RAB22A: variants seen among roughly 807,000 people sequenced by gnomAD.
The protein encoded by RAB22A is RAB22A, member RAS oncogene family.
In RAB22A, 13 loss-of-function variants were observed where a neutral mutation model predicts 30.2. The ratio of observed to expected loss-of-function variants is 0.43; its 90% CI spans 0.28 to 0.68. The LOEUF is 0.68. Among genes scored for constraint, RAB22A ranks in the 30% least tolerant of loss-of-function variants. RAB22A has a pLI of 0.18. For missense variants in RAB22A, 177 were observed against 246.8 expected, an observed-to-expected ratio of 0.72 and a Z score of 1.89; for synonymous variants, 89 against 87.2, an observed-to-expected ratio of 1.02 and a Z score of -0.11.
At chr20:58,351,681 C>T (rs977249627) in intron 3 of RAB22A, among the ~76,000 whole-genome samples, 2 of 152,110 alleles carry the variant, frequency 1.3e-5, no homozygotes, top group African/African-American at 4.8e-5. Flanking sequence ...GGCGTGGTAG[C>T]GCATGCCTGT....
intron 2 of RAB22A, among the ~76,000 whole-genome samples, chr20:58,341,919 A>C (rs1388761753): frequency 6.6e-6 from 1 of 152,100 alleles, no homozygotes; most frequent in African/African-American, 2.4e-5. Flanking sequence ...GCCTGTTGTC[A>C]CTCATAAATG....
At chr20:58,317,782 G>A (rs764162318) in intron 2 of RAB22A, among the ~76,000 whole-genome samples, 4 of 151,910 alleles carry the variant, frequency 2.6e-5, no homozygotes, top group Non-Finnish European at 5.9e-5. Flanking sequence ...TCCTGACCTC[G>A]TGATCCGCCT....
At chr20:58,358,960 G>A (rs1161627986) in intron 6 of RAB22A, among the ~76,000 whole-genome samples, 1 of 151,972 alleles carries the variant, frequency 6.6e-6, no homozygotes, top group Non-Finnish European at 1.5e-5. Context: ...TCCCCAGGAT[G>A]TGTTGAGTGA....
At chr20:58,328,245 G>A (rs1325801009) in intron 2 of RAB22A, among the ~76,000 whole-genome samples, 1 of 152,054 alleles carries the variant, frequency 6.6e-6, no homozygotes, top group Non-Finnish European at 1.5e-5. Flanking sequence ...GCAGTGGTGT[G>A]ATCACAGCTC....
intron 2 of RAB22A, among the ~76,000 whole-genome samples, chr20:58,333,913 C>G (rs534274468): frequency 6.6e-6 from 1 of 152,114 alleles, no homozygotes; most frequent in Non-Finnish European, 1.5e-5. Flanking sequence ...AAAAAATTAG[C>G]TGGATTTTAT....
chr20:58,324,699 T>G (rs767015170), intron 2 of RAB22A, among the ~76,000 whole-genome samples: 5 of 149,406 alleles, frequency 3.3e-5, no homozygotes, highest in Non-Finnish European at 5.9e-5. Flanking sequence ...AAACCCCGTG[T>G]CTACTAAAAA....
At chr20:58,329,078 G>A (rs1986619749) in intron 2 of RAB22A, among the ~76,000 whole-genome samples, 1 of 141,006 alleles carries the variant, frequency 7.1e-6, no homozygotes, top group Admixed American at 7.3e-5. Context: ...TTTTGAGGCA[G>A]AGCCTCATTC....
chr20:58,315,038 C>T (rs76191598), intron 2 of RAB22A, among the ~76,000 whole-genome samples: 4,659 of 151,954 alleles, frequency 0.031, 237 homozygotes, highest in African/African-American at 0.11. Context: ...CCAGGAGAGA[C>T]GGCAGGGTGG....
At chr20:58,338,900 T>C (rs185355085) in intron 2 of RAB22A, among the ~76,000 whole-genome samples, 19 of 152,294 alleles carry the variant, frequency 1.2e-4, no homozygotes, top group African/African-American at 3.4e-4. Context: ...TGAGAATCCT[T>C]TGTTAATTGT....
chr20:58,366,023 A>G lies in RAB22A; in HGVS notation c.*6320A>G, dbSNP rs2122981744. 6.6e-6 allele frequency: 1 copy of G among 151,704 alleles called. No homozygotes were observed. The highest frequency in any genetic ancestry group is 1.9e-4 in the East Asian group (1 of 5,168). The allele number at this position is 151,704 out of a possible 1,614,324, so 9.4% of individuals were successfully genotyped here. Reference sequence around the variant, plus strand: ...TTGCCCTGGAAAAGATTTTTTTTTTAACTCTCATGCAGTTCAGTCTTTCCA... The same window carrying G: ...TTGCCCTGGAAAAGATTTTTTTTTTGACTCTCATGCAGTTCAGTCTTTCCA... On this transcript the variant is annotated 3_prime_UTR_variant, in exon 7 of 7. Transcript: ENST00000244040.
chr20:58,352,831 G>A (rs575669187), intron 3 of RAB22A, among the ~76,000 whole-genome samples: 1 of 152,294 alleles, frequency 6.6e-6, no homozygotes, highest in East Asian at 1.9e-4. Context: ...CATTTCTGAA[G>A]GACAATCAGT....
intron 3 of RAB22A, among the ~76,000 whole-genome samples, chr20:58,351,357 G>T (rs559619204): frequency 2.0e-5 from 3 of 151,632 alleles, no homozygotes; most frequent in Non-Finnish European, 2.9e-5. Flanking sequence ...AGAAAAATGT[G>T]CAGTATATAT....
intron 4 of RAB22A, 26 bp from the exon 5 acceptor site, chr20:58,353,406 G>T: frequency 6.2e-7 from 1 of 1,608,762 alleles, no homozygotes; most frequent in Non-Finnish European, 8.5e-7. Context: ...TAGATCTCCA[G>T]TTGCTCTCTT....
chr20:58,337,952 G>T (rs1052019788), intron 2 of RAB22A, among the ~76,000 whole-genome samples: 3 of 152,104 alleles, frequency 2.0e-5, no homozygotes, highest in Admixed American at 2.0e-4. Context: ...ATGTGAAATG[G>T]TATATGTTAT....
chr20:58,336,258 C>T lies in RAB22A; in HGVS notation c.117-7460C>T, dbSNP rs140349652. On this transcript the variant is annotated intron_variant, in intron 2 of 6. Transcript: ENST00000244040. ...TACTCCTGACCTCAAGTGATCCACT[C>T]GCCTTGGCCTTCCAAAGTGCTGGGA... Among the ~76,000 whole-genome samples the T allele has an allele frequency of 3.8e-3, 578 of 152,258 alleles. 2 individuals are homozygous for T. Among genetic ancestry groups the T allele is most frequent in the African/African-American group, 0.013 (541 of 41,550 alleles).
At chr20:58,350,984 C>T (rs1987038781) in intron 3 of RAB22A, among the ~76,000 whole-genome samples, 1 of 152,166 alleles carries the variant, frequency 6.6e-6, no homozygotes, top group South Asian at 2.1e-4. Context: ...AGAAATTAGA[C>T]TTTTGCAAGT....
intron 2 of RAB22A, among the ~76,000 whole-genome samples, chr20:58,311,435 A>C (rs1600720467): frequency 6.6e-6 from 1 of 152,360 alleles, no homozygotes; most frequent in East Asian, 1.9e-4. Context: ...GGCAGATGAA[A>C]ATAGATCCTG....
intron 3 of RAB22A, among the ~76,000 whole-genome samples, chr20:58,344,530 C>T (rs1311247468): frequency 6.6e-6 from 1 of 152,208 alleles, no homozygotes; most frequent in East Asian, 1.9e-4. Flanking sequence ...CCTCTGGGTA[C>T]TAAGTCCAAT....
At chr20:58,321,533 G>A (rs915868239) in intron 2 of RAB22A, among the ~76,000 whole-genome samples, 9 of 152,136 alleles carry the variant, frequency 5.9e-5, no homozygotes, top group Non-Finnish European at 1.2e-4. Context: ...TTCTGTAAAC[G>A]TTAATTAGCT....
Sources: gnomAD v4.1 joint callset for allele counts (sites outside exome capture counted in the v4.1 genomes callset) on GRCh38, gnomAD v4.1.1 for gene constraint, MANE v1.5 for transcripts, NCBI Gene and HGNC (gene_info 2026-07-23, HGNC 2026-07-21) for gene names.